The following PINLYP variants were observed in gnomAD, a reference collection of about 807,000 sequenced individuals.
PINLYP encodes phospholipase A2 inhibitor and LY6/PLAUR domain containing, also known as phospholipase A2 inhibitor and Ly6/PLAUR domain-containing protein.
In PINLYP, 12 loss-of-function variants were observed where a neutral mutation model predicts 15.8. The observed-to-expected ratio is 0.76, with a 90% CI of 0.49 to 1.23. The LOEUF is 1.23. PINLYP is among the 50% of genes most tolerant of loss of function. The pLI, the probability that PINLYP is intolerant of heterozygous loss-of-function variation, is 0.00. For synonymous variants in PINLYP, 93 were observed against 97.7 expected, an observed-to-expected ratio of 0.95 and a Z score of 0.28; for missense variants, 278 against 264.2, an observed-to-expected ratio of 1.05 and a Z score of -0.36.
chr19:43,575,575 C>T (rs1319751603), upstream of PINLYP: 16 of 1,153,468 alleles, frequency 1.4e-5, no homozygotes, highest in African/African-American at 4.8e-5. Context: ...CGCAAGCGCG[C>T]GAGGCTCGGG....
intron 2 of PINLYP, among the ~76,000 whole-genome samples, chr19:43,578,335 C>A (rs1354925310): frequency 6.6e-6 from 1 of 152,218 alleles, no homozygotes; most frequent in East Asian, 1.9e-4. Context: ...CATCCAAAAT[C>A]CCCAGCCATG....
intron 3 of PINLYP, among the ~76,000 whole-genome samples, chr19:43,580,858 T>C (rs886660715): frequency 2.0e-5 from 3 of 152,116 alleles, no homozygotes; most frequent in East Asian, 1.9e-4. Context: ...TCCCAGCACT[T>C]TGGGAGGCCG....
chr19:43,576,890 A>C, exon 1 of PINLYP: 3 of 346,422 alleles, frequency 8.7e-6, no homozygotes, highest in Non-Finnish European at 1.5e-5. Flanking sequence ...TCTTCAAGCA[A>C]ACAAACAAAC....
chr19:43,577,622 G>A (rs950018780), intron 2 of PINLYP, among the ~76,000 whole-genome samples: 3 of 151,740 alleles, frequency 2.0e-5, no homozygotes, highest in Non-Finnish European at 4.4e-5. Flanking sequence ...GAGGGAGAAG[G>A]CCAGGTGCGG....
At chr19:43,577,033 T>C (rs1568521611) in intron 1 of PINLYP, 82 bp from the exon 2 acceptor site, 1 of 1,389,022 alleles carries the variant, frequency 7.2e-7, no homozygotes, top group African/African-American at 1.4e-5. Context: ...CCAGGTCACT[T>C]TTGGATTCTG....
At chr19:43,579,145 G>A (rs1456795906) in intron 3 of PINLYP, 3 of 196,502 alleles carry the variant, frequency 1.5e-5, no homozygotes, top group South Asian at 8.6e-5. Context: ...ATTCCTGACC[G>A]AGGGAGGAGA....
In PINLYP at chr19:43,580,463, T is replaced by C. The variant is rs183307516; in HGVS notation, c.188-749T>C. 3,566 of 913,780 alleles carry C rather than the reference T, an allele frequency of 3.9e-3. 19 individuals are homozygous for C. The highest frequency in any genetic ancestry group is 0.021 in the Middle Eastern group (37 of 1,784). The allele number at this position is 913,780 out of a possible 1,614,324, so 56.6% of individuals were successfully genotyped here. On this transcript the variant is annotated intron_variant, in intron 3 of 5. Coordinates refer to ENST00000599207, the Ensembl canonical transcript of PINLYP. Reference sequence around the variant, plus strand: ...GCAGGATCTGAGAGAGGAGGATGCCTGTTGCTGGGACCGGGGTTCATTGGA... The same window carrying C: ...GCAGGATCTGAGAGAGGAGGATGCCCGTTGCTGGGACCGGGGTTCATTGGA...
At position 43,581,192 on chromosome 19, in the gene PINLYP, TGCCTGTCCCC is replaced by T. The variant is rs1752521859; in HGVS notation, c.188-19_188-10del. ...GGGAGTGGTCAGCCAGCACTGTCCC[TGCCTGTCCCC>T]ATCCCACAGAGGGCAAGGAGTTGGT... On this transcript the variant is annotated splice_polypyrimidine_tract_variant and intron_variant, in intron 3 of 5. Coordinates refer to ENST00000599207, the Ensembl canonical transcript of PINLYP. 1.3e-6 allele frequency: 2 copies of T among 1,535,902 alleles called. No individual in the cohort carries two copies. Among genetic ancestry groups the T allele is most frequent in the Non-Finnish European group, 1.7e-6 (2 of 1,146,460 alleles).
chr19:43,581,927 A>C, exon 6 of PINLYP: 1 of 1,536,552 alleles, frequency 6.5e-7, no homozygotes, highest in Non-Finnish European at 8.7e-7. Context: ...GTGCTTTACC[A>C]AGCCTGGTGC....
chr19:43,581,332 A>T (rs1459408829), exon 4 of PINLYP: 1 of 1,536,906 alleles, frequency 6.5e-7, no homozygotes, highest in Admixed American at 2.0e-5. Flanking sequence ...TTCTGCTGCC[A>T]GAGCGACGGC....
chr19:43,575,533 G>A (rs747856852), upstream of PINLYP: 27 of 1,512,806 alleles, frequency 1.8e-5, no homozygotes, highest in East Asian at 2.8e-4. Flanking sequence ...AGAGTGGGAG[G>A]GGGCGGGGTG....
In PINLYP at chr19:43,578,598, C is replaced by CTGCAGGGTGGCCG. The variant is rs1206783387; in HGVS notation, c.80_81insGCAGGGTGGCCGT (p.His28GlnfsTer26). The CTGCAGGGTGGCCG allele has an allele frequency of 6.5e-7, 1 of 1,535,636 alleles. No individual in the cohort carries two copies. Among genetic ancestry groups the CTGCAGGGTGGCCG allele is most frequent in the East Asian group, 2.4e-5 (1 of 40,922 alleles). ...CTCTGTCTACACTGCAGGGTGCCCA[C>CTGCAGGGTGGCCG]TACACTGCGAAATATGTACGGCGGC... On this transcript the variant is annotated frameshift_variant, in exon 3 of 6. Transcript: ENST00000599207. LOFTEE classifies it high-confidence loss of function.
chr19:43,577,489 C>G (rs941063312), intron 2 of PINLYP, among the ~76,000 whole-genome samples: 2 of 151,824 alleles, frequency 1.3e-5, no homozygotes, highest in South Asian at 4.2e-4. Context: ...GAGAGAGGGG[C>G]TTGGTGGGCT....
chr19:43,575,654 G>A (rs754976903), upstream of PINLYP: 10 of 466,868 alleles, frequency 2.1e-5, no homozygotes, highest in South Asian at 3.2e-4. Context: ...TCTCCAGAGC[G>A]GGAAGAGCGC....
In PINLYP at chr19:43,578,550, C is replaced by A. The variant is rs1408051627; in HGVS notation, c.71-40C>A. 11 of 1,458,946 alleles carry A rather than the reference C, an allele frequency of 7.5e-6. No individual in the cohort carries two copies. The Admixed American group carries it at 2.2e-4, about 29-fold the overall frequency. The allele number at this position is 1,458,946 out of a possible 1,614,324, so 90.4% of individuals were successfully genotyped here. ...TCAAAGTCGTGGTCCGAAGACCACA[C>A]CACCCATGACTACAGCCTCGCCCTC... On this transcript the variant is annotated intron_variant, in intron 2 of 5. Transcript: ENST00000599207.
At chr19:43,577,310 GGTCCCAGATTGAGAGA>G in intron 2 of PINLYP, 49 bp downstream of exon 2, 1 of 1,514,294 alleles carries the variant, frequency 6.6e-7, no homozygotes, top group Non-Finnish European at 8.8e-7. Flanking sequence ...GGAAGAGAGA[GGTCCCAGATTGAGAGA>G]GAGAGAGATA....
At position 43,576,777 on chromosome 19, in the gene PINLYP, C is replaced by A. The variant is rs904471439; in HGVS notation, c.-220C>A. On this transcript the variant is annotated 5_prime_UTR_variant, in exon 1 of 6. It introduces an in-frame stop codon into an upstream open reading frame of the 5' UTR. Transcript: ENST00000599207. ...CTGGGTGCTCCAAGGTGGGGCCCTA[C>A]CCACACTGGGTGCTTCCTTGGGAGG... 78 of 199,714 alleles carry A rather than the reference C, an allele frequency of 3.9e-4. No homozygotes were observed. The highest frequency in any genetic ancestry group is 1.7e-3 in the African/African-American group (75 of 42,890). 12.4% of individuals were successfully genotyped at this position (199,714 alleles called of 1,614,324 possible). A position where few individuals can be genotyped will look rare whatever the true frequency, so the allele number is the denominator to read the frequency against.
At chr19:43,578,466 G>C in intron 2 of PINLYP, 124 bp from the exon 3 acceptor site, 2 of 610,900 alleles carry the variant, frequency 3.3e-6, no homozygotes, top group Non-Finnish European at 5.7e-6. Flanking sequence ...TCAACATCCC[G>C]CCCATGAAAA....
At chr19:43,581,030 C>T in intron 3 of PINLYP, 182 bp from the exon 4 acceptor site, 1 of 698,674 alleles carries the variant, frequency 1.4e-6, no homozygotes, top group Non-Finnish European at 2.3e-6. Flanking sequence ...AAGATCGCGC[C>T]ATTGCACTCC....
Sources: gnomAD v4.1 joint callset for allele counts (sites outside exome capture counted in the v4.1 genomes callset) on GRCh38, gnomAD v4.1.1 for gene constraint, MANE v1.5 for transcripts, NCBI Gene and HGNC (gene_info 2026-07-23, HGNC 2026-07-21) for gene names.